The following NDST3 variants were observed in gnomAD, a reference collection of about 807,000 sequenced individuals.
The protein encoded by NDST3 is N-deacetylase and N-sulfotransferase 3.
NDST3 carries 58 observed loss-of-function variants against 96.1 expected under a neutral mutation model. That is an observed-to-expected ratio of 0.60 (90% CI 0.49 to 0.75). The LOEUF is 0.75. Among genes scored for constraint, NDST3 ranks in the 30% least tolerant of loss-of-function variants. The pLI is 0.00. For synonymous variants in NDST3, 333 were observed against 359.7 expected (o/e 0.93, Z 0.84); for missense variants, 788 against 1,034.2 (o/e 0.76, Z 3.27).
intron 6 of NDST3, among the ~76,000 whole-genome samples, chr4:118,160,595 T>C (rs1735033940): frequency 6.6e-6 from 1 of 151,978 alleles, no homozygotes. Context: ...ATTAGAAAAA[T>C]GTAAATCGCT....
At chr4:118,053,012 T>TAGA (rs1725171781) in intron 1 of NDST3, among the ~76,000 whole-genome samples, 1 of 151,998 alleles carries the variant, frequency 6.6e-6, no homozygotes, top group African/African-American at 2.4e-5. Flanking sequence ...TAGAATGGTA[T>TAGA]AGAAAGTGAA....
At chr4:118,067,389 T>C (rs1726679710) in intron 2 of NDST3, among the ~76,000 whole-genome samples, 1 of 151,982 alleles carries the variant, frequency 6.6e-6, no homozygotes, top group Non-Finnish European at 1.5e-5. Flanking sequence ...ACTTTCCCAG[T>C]CTATGTCATT....
chr4:118,096,871 T>C (rs1317128167), intron 2 of NDST3, among the ~76,000 whole-genome samples: 1 of 151,938 alleles, frequency 6.6e-6, no homozygotes, highest in Non-Finnish European at 1.5e-5. Flanking sequence ...TAGTGTGCAT[T>C]CCAGTCTAAA....
In NDST3 at chr4:118,242,035, T is replaced by C; in HGVS notation, c.2290-5T>C. ...CAATGTGCATTTTTTTATTTGATAA[T>C]TTAGTTGCTAATTATTGATGGGCAA... On this transcript the variant is annotated splice_polypyrimidine_tract_variant and splice_region_variant and intron_variant, in intron 11 of 13. Coordinates refer to ENST00000296499, the MANE Select transcript of NDST3 (RefSeq NM_004784.3). 1 of 1,582,540 alleles carries C rather than the reference T, an allele frequency of 6.3e-7. No homozygotes were observed. The highest frequency in any genetic ancestry group is 1.1e-5 in the South Asian group (1 of 88,456).
Position 118,237,738 on chromosome 4 carries a change from T to C in NDST3, c.2118+518T>C, listed in dbSNP as rs889127638. On this transcript the variant is annotated intron_variant, in intron 10 of 13. Transcript: ENST00000296499. ...TACTGAATAGGCAGTAGGCCATAGA[T>C]TGCTGACCCTGGCTCTAAAACAGCT... Among the ~76,000 whole-genome samples the C allele has an allele frequency of 2.0e-5, 3 of 152,158 alleles. No homozygotes were observed. In the East Asian group the frequency reaches 5.8e-4, roughly 29 times the overall value.
chr4:118,127,659 A>G (rs900955574), intron 4 of NDST3, among the ~76,000 whole-genome samples: 1 of 151,836 alleles, frequency 6.6e-6, no homozygotes, highest in Non-Finnish European at 1.5e-5. Flanking sequence ...TGTTCAGGAT[A>G]GCTTTGGCTA....
intron 12 of NDST3, among the ~76,000 whole-genome samples, chr4:118,251,867 A>G (rs1171743169): frequency 6.6e-6 from 1 of 152,202 alleles, no homozygotes; most frequent in Admixed American, 6.5e-5. Flanking sequence ...TACTGAATCT[A>G]TAGACAAATT....
chr4:118,069,553 A>G (rs183451106), intron 2 of NDST3, among the ~76,000 whole-genome samples: 1 of 152,172 alleles, frequency 6.6e-6, no homozygotes, highest in Admixed American at 6.6e-5. Context: ...GCACTTTGTA[A>G]TGAAAATAAT....
chr4:118,096,003 T>C (rs1325767378), intron 2 of NDST3, among the ~76,000 whole-genome samples: 5 of 151,978 alleles, frequency 3.3e-5, no homozygotes, highest in African/African-American at 1.2e-4. Context: ...TTCTACTTTT[T>C]AGCTATCGTG....
chr4:118,233,686 A>T (rs4147039), intron 9 of NDST3, among the ~76,000 whole-genome samples: 4,336 of 152,308 alleles, frequency 0.028, 72 homozygotes, highest in African/African-American at 0.048. Context: ...ATCTGAACAA[A>T]CACTTAAAAA....
rs566224653 is a variant in NDST3, at chr4:118,149,642, A to C, written c.1539+5958A>C. Among the ~76,000 whole-genome samples, 292 of 151,352 alleles carry C rather than the reference A, an allele frequency of 1.9e-3. 2 individuals are homozygous for C. The highest frequency in any genetic ancestry group is 2.8e-3 in the Non-Finnish European group (189 of 67,792). ...CTTTGCTGAAGTTGCTTATCAACTTAAGGAGATTTTGGGCTGAGACAATGG... is the reference window on the plus strand; with the variant it reads ...CTTTGCTGAAGTTGCTTATCAACTTCAGGAGATTTTGGGCTGAGACAATGG... On this transcript the variant is annotated intron_variant, in intron 6 of 13. Transcript: ENST00000296499.
chr4:118,097,596 T>C (rs1258669230), intron 2 of NDST3, among the ~76,000 whole-genome samples: 1 of 151,940 alleles, frequency 6.6e-6, no homozygotes, highest in Non-Finnish European at 1.5e-5. Flanking sequence ...AGTCTACATT[T>C]TGTTAAGTTT....
chr4:118,241,481 T>A (rs1335733947), intron 11 of NDST3, among the ~76,000 whole-genome samples: 1 of 135,378 alleles, frequency 7.4e-6, no homozygotes, highest in Admixed American at 8.2e-5. Flanking sequence ...TCTTGCTGGG[T>A]CCACCCTCCT....
At chr4:118,194,990 G>T (rs1737572273) in intron 6 of NDST3, among the ~76,000 whole-genome samples, 1 of 152,070 alleles carries the variant, frequency 6.6e-6, no homozygotes, top group Non-Finnish European at 1.5e-5. Context: ...ATCTTTTGTT[G>T]TACCATGTAA....
rs1345022128 is a variant in NDST3, at chr4:118,257,458, G to GT, written c.*1747dup. ...TGACTACTTAATTTTTAAATGTACT[G>GT]TACATATACATAAAATTTAAGTAGT... On this transcript the variant is annotated 3_prime_UTR_variant, in exon 14 of 14. Coordinates refer to ENST00000296499, the MANE Select transcript of NDST3 (RefSeq NM_004784.3). The GT allele has an allele frequency of 6.6e-6, 1 of 151,976 alleles. No individual in the cohort carries two copies. The highest frequency in any genetic ancestry group is 2.4e-5 in the African/African-American group (1 of 41,372). 9.4% of individuals were successfully genotyped at this position (151,976 alleles called of 1,614,324 possible).
chr4:118,069,455 A>C (rs1052377338), intron 2 of NDST3, among the ~76,000 whole-genome samples: 1 of 152,092 alleles, frequency 6.6e-6, no homozygotes, highest in African/African-American at 2.4e-5. Context: ...AGAAACTACA[A>C]TTAGAGTGAG....
At chr4:118,244,109 C>A (rs1277670491) in intron 12 of NDST3, among the ~76,000 whole-genome samples, 1 of 152,166 alleles carries the variant, frequency 6.6e-6, no homozygotes, top group Non-Finnish European at 1.5e-5. Flanking sequence ...TGTTTCCATT[C>A]CATTTCTTTT....
intron 6 of NDST3, among the ~76,000 whole-genome samples, chr4:118,144,745 TA>T (rs11298940): frequency 0.81 from 122,366 of 150,378 alleles, 51,945 homozygotes; most frequent in South Asian, 0.95. Context: ...TTTCCAAATG[TA>T]AAAAAAAAAA....
chr4:118,246,277 A>G (rs549416439), intron 12 of NDST3, among the ~76,000 whole-genome samples: 81 of 152,342 alleles, frequency 5.3e-4, no homozygotes, highest in African/African-American at 1.9e-3. Flanking sequence ...TCACGCTGCT[A>G]TGAAGAAATG....
Sources: allele counts gnomAD v4.1 joint callset (sites outside exome capture counted in the v4.1 genomes callset), GRCh38; gene constraint gnomAD v4.1.1; transcripts MANE v1.5; gene names NCBI Gene and HGNC (gene_info 2026-07-23, HGNC 2026-07-21).